Variants in PREX1 observed in about 807,000 individuals in gnomAD.
The protein encoded by PREX1 is phosphatidylinositol-3,4,5-trisphosphate dependent Rac exchange factor 1.
Under a neutral mutation model 198.3 loss-of-function variants are expected in PREX1, and 41 were observed. That is an observed-to-expected ratio of 0.21 (90% CI 0.16 to 0.27). The LOEUF is 0.27. PREX1 is among the 10% of genes least tolerant of loss of function. The pLI is 1.00. For missense variants in PREX1, 1,620 were observed against 2,200.7 expected, an observed-to-expected ratio of 0.74 and a Z score of 5.28; for synonymous variants, 843 against 887.2, an observed-to-expected ratio of 0.95 and a Z score of 0.89.
chr20:48,814,279 AG>A (rs1162627326), intron 1 of PREX1, among the ~76,000 whole-genome samples: 1 of 152,244 alleles, frequency 6.6e-6, no homozygotes, highest in African/African-American at 2.4e-5. Context: ...ACAGCAGACA[AG>A]GGCTGTGACC....
the PREX1 span, among the ~76,000 whole-genome samples, chr20:48,886,340 C>G: frequency 2.6e-5 from 4 of 152,272 alleles, no homozygotes; most frequent in African/African-American, 9.6e-5. Context: ...ACTGGTCATC[C>G]AGAGATTGGG....
At chr20:48,771,749 G>C (rs75357659) in intron 1 of PREX1, among the ~76,000 whole-genome samples, 2,177 of 152,274 alleles carry the variant, frequency 0.014, 50 homozygotes, top group African/African-American at 0.05. Context: ...CCTTCATGCC[G>C]GACACGGTTC....
chr20:48,804,047 C>A (rs778239490), intron 1 of PREX1, among the ~76,000 whole-genome samples: 2 of 152,206 alleles, frequency 1.3e-5, no homozygotes, highest in Non-Finnish European at 2.9e-5. Context: ...TGGACTGGAG[C>A]CCTTGAGGAC....
intron 1 of PREX1, among the ~76,000 whole-genome samples, chr20:48,809,201 G>T (rs544125757): frequency 6.6e-6 from 1 of 152,346 alleles, no homozygotes; most frequent in East Asian, 1.9e-4. Flanking sequence ...AAGGAGGCAG[G>T]ATAGGAGCAA....
chr20:48,639,136 G>A (rs2089388972), intron 30 of PREX1, among the ~76,000 whole-genome samples: 1 of 152,238 alleles, frequency 6.6e-6, no homozygotes. Flanking sequence ...TGGAGCAGAC[G>A]CCAAGCCACA....
intron 1 of PREX1, among the ~76,000 whole-genome samples, chr20:48,782,286 T>A (rs2090293264): frequency 6.6e-6 from 1 of 152,176 alleles, no homozygotes; most frequent in Non-Finnish European, 1.5e-5. Flanking sequence ...GTTTCCCCCA[T>A]GCGGTTCTCG....
At chr20:48,661,444 A>AAAAAAAAAATATATATATAT (rs1555832820) in intron 15 of PREX1, among the ~76,000 whole-genome samples, 1 of 49,600 alleles carries the variant, frequency 2.0e-5, no homozygotes, top group Non-Finnish European at 3.1e-5. Context: ...AAAAAAAAAA[A>AAAAAAAAAATATATATATAT]ATATATATAT....
At chr20:48,675,786 C>T (rs976155302) in intron 14 of PREX1, among the ~76,000 whole-genome samples, 4 of 152,140 alleles carry the variant, frequency 2.6e-5, no homozygotes, top group Admixed American at 1.3e-4. Context: ...CACCTGTAAT[C>T]CCAGTGATTT....
rs751798441 is a variant in PREX1, at chr20:48,652,674, C to T, written c.2379G>A (p.Glu793=). The T allele has an allele frequency of 3.1e-6, 5 of 1,613,330 alleles. No individual in the cohort carries two copies. The highest frequency in any genetic ancestry group is 2.2e-5 in the East Asian group (1 of 44,840). The change falls in exon 21 of 40, where the codon GAG becomes GAA. Residue 793 remains glutamate (E), a synonymous_variant. Coordinates refer to ENST00000371941, the MANE Select transcript of PREX1 (RefSeq NM_020820.4). Reference sequence around the variant, plus strand: ...GACTGGCTCGTGCTTCCTGGGCATCCTCATGGGTGTGGTAGATCCACTGGT... The same window carrying T: ...GACTGGCTCGTGCTTCCTGGGCATCTTCATGGGTGTGGTAGATCCACTGGT... ...GLYQWIYHTH[E]DAQEARASQE... is the part of the protein sequence containing the mutation.
intron 5 of PREX1, among the ~76,000 whole-genome samples, chr20:48,717,708 A>G (rs1339929816): frequency 6.6e-6 from 1 of 152,164 alleles, no homozygotes; most frequent in Non-Finnish European, 1.5e-5. Flanking sequence ...AGTCCCACCA[A>G]TTAGGAATTA....
At chr20:48,857,570 C>T in the PREX1 span, among the ~76,000 whole-genome samples, 1 of 151,570 alleles carries the variant, frequency 6.6e-6, no homozygotes, top group Non-Finnish European at 1.5e-5. Context: ...GAGTTTGAGA[C>T]CAGCCTGGGC....
chr20:48,685,812 T>G (rs1340392135), intron 10 of PREX1, among the ~76,000 whole-genome samples: 3 of 152,150 alleles, frequency 2.0e-5, no homozygotes, highest in Non-Finnish European at 2.9e-5. Flanking sequence ...GAAGATCGCT[T>G]GAGCCCAGGA....
chr20:48,677,046 A>C (rs2089714446), intron 13 of PREX1, among the ~76,000 whole-genome samples: 1 of 152,170 alleles, frequency 6.6e-6, no homozygotes, highest in Non-Finnish European at 1.5e-5. Flanking sequence ...GCTGTGACAA[A>C]AACGCGCTTC....
the PREX1 span, among the ~76,000 whole-genome samples, chr20:48,883,123 C>T: frequency 4.0e-5 from 6 of 151,792 alleles, no homozygotes; most frequent in Admixed American, 1.3e-4. Context: ...TTAGTAGAGA[C>T]GGGGTTTCAC....
chr20:48,676,094 A>G lies in PREX1; in HGVS notation c.1665+99T>C. ...TTTTATGTTCTGTGCAGTTTGCCACAATTAAAAGCAATAAGAAAAAATCTT... is the reference window on the plus strand; with the variant it reads ...TTTTATGTTCTGTGCAGTTTGCCACGATTAAAAGCAATAAGAAAAAATCTT... On this transcript the variant is annotated intron_variant, in intron 14 of 39. Coordinates refer to ENST00000371941, the MANE Select transcript of PREX1 (RefSeq NM_020820.4). 3 of 1,237,092 alleles carry G rather than the reference A, an allele frequency of 2.4e-6. No homozygotes were observed. In the Admixed American group the frequency reaches 5.3e-5, roughly 22 times the overall value. 76.6% of individuals were successfully genotyped at this position (1,237,092 alleles called of 1,614,324 possible). A position where few individuals can be genotyped will look rare whatever the true frequency, so the allele number is the denominator to read the frequency against.
At chr20:48,753,097 T>G (rs557778338) in intron 1 of PREX1, among the ~76,000 whole-genome samples, 4 of 152,180 alleles carry the variant, frequency 2.6e-5, no homozygotes, top group Non-Finnish European at 5.9e-5. Flanking sequence ...GACTGTTTAC[T>G]CAGCTCCCAG....
rs901093366 is a variant in PREX1, at chr20:48,686,054, G to A, written c.1334+2603C>T. 7.9e-5 allele frequency among the ~76,000 whole-genome samples: 12 copies of A among 152,282 alleles called. No individual in the cohort carries two copies. In the East Asian group the frequency reaches 1.2e-3, roughly 15 times the overall value. ...TACAGTGGGAGACAGCACCAGTGTC[G>A]CTTTGTGATCTTGTACAGAACCCTT... On this transcript the variant is annotated intron_variant, in intron 10 of 39. Coordinates refer to ENST00000371941, the MANE Select transcript of PREX1 (RefSeq NM_020820.4).
At chr20:48,663,120 C>T (rs1401606336) in intron 15 of PREX1, among the ~76,000 whole-genome samples, 2 of 152,196 alleles carry the variant, frequency 1.3e-5, no homozygotes, top group Admixed American at 1.3e-4. Context: ...AAACTGGAAG[C>T]TAAAGAGTGA....
At chr20:48,703,288 C>G (rs76970036) in intron 6 of PREX1, among the ~76,000 whole-genome samples, 1 of 152,212 alleles carries the variant, frequency 6.6e-6, no homozygotes, top group Non-Finnish European at 1.5e-5. Flanking sequence ...TCCTTGTGGT[C>G]GAGAGCTGTG....
Sources: allele counts gnomAD v4.1 joint callset (sites outside exome capture counted in the v4.1 genomes callset), GRCh38; gene constraint gnomAD v4.1.1; transcripts MANE v1.5; gene names NCBI Gene and HGNC (gene_info 2026-07-23, HGNC 2026-07-21).